PEDS1: variants seen among roughly 807,000 people sequenced by gnomAD.
PEDS1 encodes the protein CarF homolog.
Under a neutral mutation model 35.2 loss-of-function variants are expected in PEDS1, and 14 were observed. The ratio of observed to expected loss-of-function variants is 0.40; its 90% CI spans 0.26 to 0.62. The LOEUF is 0.62. PEDS1 is among the 20% of genes least tolerant of loss of function. The pLI is 0.44. For missense variants in PEDS1, 260 were observed against 367.8 expected (o/e 0.71, Z 2.40); for synonymous variants, 152 against 152.0 (o/e 1.00, Z 0.00).
intron 2 of PEDS1, among the ~76,000 whole-genome samples, chr20:50,138,385 A>T (rs2081257579): frequency 1.3e-5 from 2 of 152,106 alleles, no homozygotes; most frequent in Non-Finnish European, 2.9e-5. Flanking sequence ...GAGACTTCGC[A>T]CCCAGGTATG....
Position 50,129,573 on chromosome 20 carries a change from C to T in PEDS1, c.451G>A (p.Ala151Thr). The change falls in exon 4 of 6, where the codon GCC becomes ACC. Residue 151 changes from alanine to threonine, a missense_variant. Physicochemically the swap from Ala to Thr is moderately conservative, Grantham distance 58. Coordinates refer to ENST00000371652, the MANE Select transcript of PEDS1 (RefSeq NM_199129.4). The surrounding 1 kb of genome is among the most constrained non-coding windows in gnomAD (Gnocchi z 4.2). The stretch of plus-strand genomic sequence containing the variant: ...GGGCTGTGGGTGCGGAACTTGTAGG[C>T]CATGTTTAGCAGCGGCAGCAGTGTC... ...LVTLLPLLNM[A>T]YKFRTHSPEA... The T allele has an allele frequency of 6.2e-7, 1 of 1,614,118 alleles. No homozygotes were observed. Among genetic ancestry groups the T allele is most frequent in the South Asian group, 1.1e-5 (1 of 91,074 alleles).
At chr20:50,149,438 G>C (rs2081379352) in intron 1 of PEDS1, among the ~76,000 whole-genome samples, 1 of 152,156 alleles carries the variant, frequency 6.6e-6, no homozygotes, top group Admixed American at 6.5e-5. Context: ...GACCTCCTGG[G>C]AAGCTGGACA....
In PEDS1 at chr20:50,118,324, G is replaced by T; in HGVS notation, c.*6734C>A. On this transcript the variant is annotated 3_prime_UTR_variant, in exon 6 of 6. Coordinates refer to ENST00000371652, the MANE Select transcript of PEDS1 (RefSeq NM_199129.4). ...AACATGGTATTTTGCATATAATAAT[G>T]TATTTAATCTTCACACCTATCCTAT... The T allele has an allele frequency of 6.6e-6, 1 of 152,182 alleles. No homozygotes were observed. The highest frequency in any genetic ancestry group is 1.9e-4 in the East Asian group (1 of 5,196). The allele number at this position is 152,182 out of a possible 1,614,324, so 9.4% of individuals were successfully genotyped here.
chr20:50,133,143 G>C (rs1168966651), intron 2 of PEDS1, among the ~76,000 whole-genome samples: 1 of 152,206 alleles, frequency 6.6e-6, no homozygotes, highest in Non-Finnish European at 1.5e-5. Context: ...TCCTGGGTGA[G>C]TGAGACTTGT....
In PEDS1 at chr20:50,130,931, A is replaced by G. The variant is rs767606677; in HGVS notation, c.258T>C (p.Ile86=). Residue 86 remains isoleucine (I), a synonymous_variant, in exon 3 of 6, where the codon ATT becomes ATC. Transcript: ENST00000371652. ...GTACCAGGCCAGACAAGAAGTCAGC[A>G]ATGAGAGCCCCTGCAACTGTGGACA... is the stretch of plus-strand genomic sequence containing the variant. The part of the protein sequence containing the change: ...VILGVVAGAL[I]ADFLSGLVHW... 1.2e-6 allele frequency: 2 copies of G among 1,614,070 alleles called. No homozygotes were observed. The highest frequency in any genetic ancestry group is 1.7e-6 in the Non-Finnish European group (2 of 1,180,044).
chr20:50,122,495 G>C lies in PEDS1; in HGVS notation c.*2563C>G, dbSNP rs945775976. The stretch of plus-strand genomic sequence containing the variant: ...AGGTGGGTGGATCACCTGAAGTCAA[G>C]AGTTGGAGACCAGCCTGGCCAACAT... On this transcript the variant is annotated 3_prime_UTR_variant, in exon 6 of 6. Coordinates refer to ENST00000371652, the MANE Select transcript of PEDS1 (RefSeq NM_199129.4). 64 of 152,080 alleles carry C rather than the reference G, an allele frequency of 4.2e-4. 2 individuals carry two copies. Among genetic ancestry groups the C allele is most frequent in the African/African-American group, 2.4e-5 (1 of 41,400 alleles). The allele number at this position is 152,080 out of a possible 1,614,324, so 9.4% of individuals were successfully genotyped here. A position where few individuals can be genotyped will look rare whatever the true frequency, so the allele number is the denominator to read the frequency against.
rs1438410575 is a variant in PEDS1, at chr20:50,129,435, ACT to A, written c.478+109_478+110del. 3 of 1,434,248 alleles carry A rather than the reference ACT, an allele frequency of 2.1e-6. No homozygotes were observed. Among genetic ancestry groups the A allele is most frequent in the East Asian group, 2.5e-5 (1 of 40,498 alleles). The allele number at this position is 1,434,248 out of a possible 1,614,324, so 88.8% of individuals were successfully genotyped here. ...TTTTACATGAAGACAATGAATGAAA[ACT>A]CTTTTAAAATACCATAAGGAGCCAA... is the stretch of plus-strand genomic sequence containing the variant. On this transcript the variant is annotated intron_variant, in intron 4 of 5. Coordinates refer to ENST00000371652, the MANE Select transcript of PEDS1 (RefSeq NM_199129.4). The surrounding 1 kb of genome is among the most constrained non-coding windows in gnomAD (Gnocchi z 4.2).
rs202226020 is a variant in PEDS1 at position 50,126,492 on chromosome 20, T to TA, written c.692-1314dup. On this transcript the variant is annotated intron_variant, in intron 5 of 5. Transcript: ENST00000371652. The stretch of plus-strand genomic sequence containing the variant: ...TCTCAGTTCTGTTTCCAGAAAGACC[T>TA]AAAAAAAAATAGTAGCTGTAATTTA... Among the ~76,000 whole-genome samples the TA allele has an allele frequency of 2.7e-3, 408 of 151,240 alleles. 2 individuals carry two copies. The highest frequency in any genetic ancestry group is 9.3e-3 in the African/African-American group (382 of 41,254).
At chr20:50,148,454 C>T (rs1401933148) in intron 1 of PEDS1, among the ~76,000 whole-genome samples, 1 of 152,172 alleles carries the variant, frequency 6.6e-6, no homozygotes, top group African/African-American at 2.4e-5. Context: ...CAGAGCCAGC[C>T]CCTGGCTTGG....
At chr20:50,142,252 A>T (rs1289849544) in intron 2 of PEDS1, among the ~76,000 whole-genome samples, 1 of 152,240 alleles carries the variant, frequency 6.6e-6, no homozygotes, top group Non-Finnish European at 1.5e-5. Flanking sequence ...TTCAAAAAAT[A>T]CTGAGCACCG....
chr20:50,147,696 C>T (rs147811364), intron 1 of PEDS1, among the ~76,000 whole-genome samples: 13 of 152,352 alleles, frequency 8.5e-5, no homozygotes, highest in African/African-American at 2.9e-4. Flanking sequence ...AACTCCATCT[C>T]TCTTTGGCCT....
intron 2 of PEDS1, among the ~76,000 whole-genome samples, chr20:50,133,542 A>T (rs1037853467): frequency 6.6e-5 from 10 of 152,014 alleles, no homozygotes; most frequent in African/African-American, 2.4e-4. Flanking sequence ...TGTGATGGGG[A>T]GGGTGGACCC....
rs567143775 is a variant in PEDS1 at position 50,128,202 on chromosome 20, GA to G, written c.479-16del. 179 of 1,613,640 alleles carry G rather than the reference GA, an allele frequency of 1.1e-4. No homozygotes were observed. The African/African-American group carries it at 1.5e-3, about 14-fold the overall frequency. On this transcript the variant is annotated splice_polypyrimidine_tract_variant and intron_variant, in intron 4 of 5. Transcript: ENST00000371652. The surrounding 1 kb of genome is among the most constrained non-coding windows in gnomAD (Gnocchi z 5.2). ...CTCCAGGGCTTCTGCAGGTTGGGGAGAGGGGGGGCCGGCACAGCTGTCACTC... is the reference window on the plus strand; with the variant it reads ...CTCCAGGGCTTCTGCAGGTTGGGGAGGGGGGGGCCGGCACAGCTGTCACTC...
At chr20:50,147,832 ATCACGAGG>A (rs948729188) in intron 1 of PEDS1, among the ~76,000 whole-genome samples, 35 of 152,330 alleles carry the variant, frequency 2.3e-4, no homozygotes, top group African/African-American at 6.3e-4. Flanking sequence ...AGGTGGGCAG[ATCACGAGG>A]TCAAGAGTTC....
chr20:50,142,368 G>A (rs1326660399), intron 2 of PEDS1, among the ~76,000 whole-genome samples: 1 of 152,216 alleles, frequency 6.6e-6, no homozygotes, highest in African/African-American at 2.4e-5. Context: ...GAGATGTTGG[G>A]AGAGATAGAT....
Position 50,119,537 on chromosome 20 carries a change from T to C in PEDS1, c.*5521A>G, listed in dbSNP as rs552273141. ...GGTTTGTGAACATTAATGATAACAC[T>C]ATCTCCAAAATATATTAAGTGAAAA... On this transcript the variant is annotated 3_prime_UTR_variant, in exon 6 of 6. Transcript: ENST00000371652. 1 of 151,420 alleles carries C rather than the reference T, an allele frequency of 6.6e-6. No homozygotes were observed. The highest frequency in any genetic ancestry group is 2.4e-5 in the African/African-American group (1 of 41,242). 9.4% of individuals were successfully genotyped at this position (151,420 alleles called of 1,614,324 possible).
At chr20:50,153,276 G>C (rs756633690) in intron 1 of PEDS1, among the ~76,000 whole-genome samples, 2 of 152,084 alleles carry the variant, frequency 1.3e-5, no homozygotes, top group African/African-American at 2.4e-5. Flanking sequence ...TTGTCGCCCA[G>C]GGAGCTCATG....
At chr20:50,153,089 G>A (rs962532810) in intron 1 of PEDS1, among the ~76,000 whole-genome samples, 1 of 151,826 alleles carries the variant, frequency 6.6e-6, no homozygotes, top group African/African-American at 2.4e-5. Flanking sequence ...GGGAACCCAG[G>A]ATGAGGTGTG....
intron 1 of PEDS1, among the ~76,000 whole-genome samples, chr20:50,146,925 T>C (rs1458783258): frequency 6.6e-6 from 1 of 152,070 alleles, no homozygotes; most frequent in Non-Finnish European, 1.5e-5. Context: ...AGCAAGGCCT[T>C]CCCCTTTCTG....
Sources: allele counts gnomAD v4.1 joint callset (sites outside exome capture counted in the v4.1 genomes callset), GRCh38; gene constraint gnomAD v4.1.1; non-coding constraint Gnocchi (gnomAD v3.1); transcripts MANE v1.5; gene names NCBI Gene and HGNC (gene_info 2026-07-23, HGNC 2026-07-21).